DYNC1I1: variants seen among roughly 807,000 people sequenced by gnomAD.
DYNC1I1 encodes the protein cytoplasmic dynein 1 intermediate chain 1.
DYNC1I1 carries 43 observed loss-of-function variants against 86.6 expected under a neutral mutation model. The observed-to-expected ratio is 0.50, with a 90% CI of 0.39 to 0.64. The LOEUF (loss-of-function observed/expected upper bound fraction) is 0.64, where lower values mean the gene tolerates loss of function less well. DYNC1I1 is among the 30% of genes least tolerant of loss of function. The pLI is 0.00. For missense variants in DYNC1I1, 604 were observed against 788.8 expected (o/e 0.77, Z 2.81); for synonymous variants, 262 against 283.7 (o/e 0.92, Z 0.77).
At chr7:95,971,565 T>C (rs1414824411) in intron 6 of DYNC1I1, among the ~76,000 whole-genome samples, 1 of 152,190 alleles carries the variant, frequency 6.6e-6, no homozygotes, top group African/African-American at 2.4e-5. Context: ...AATAATAGTA[T>C]ACTAGTAAGC....
At chr7:95,975,394 C>A (rs147807854) in intron 6 of DYNC1I1, among the ~76,000 whole-genome samples, 3 of 152,128 alleles carry the variant, frequency 2.0e-5, no homozygotes, top group Non-Finnish European at 4.4e-5. Context: ...CTCCTAACTT[C>A]CGGTGGTTTT....
At chr7:95,904,955 G>A (rs548742971) in intron 6 of DYNC1I1, among the ~76,000 whole-genome samples, 33 of 152,262 alleles carry the variant, frequency 2.2e-4, no homozygotes, top group Middle Eastern at 6.8e-3. Context: ...AGTTGCCTAT[G>A]CAAAAAGTCA....
At chr7:95,869,812 C>A (rs1790114250) in intron 5 of DYNC1I1, 71 bp from the exon 6 acceptor site, 2 of 1,438,914 alleles carry the variant, frequency 1.4e-6, no homozygotes, top group Admixed American at 3.6e-5. Context: ...TTAGTGCTTT[C>A]TTTTATTACT....
chr7:95,854,431 A>G (rs939951933), intron 5 of DYNC1I1, among the ~76,000 whole-genome samples: 2 of 152,050 alleles, frequency 1.3e-5, no homozygotes, highest in African/African-American at 2.4e-5. Flanking sequence ...TACTTTTACT[A>G]CACTCTCCTC....
At chr7:95,805,241 C>T (rs1289961554) in intron 2 of DYNC1I1, among the ~76,000 whole-genome samples, 2 of 151,998 alleles carry the variant, frequency 1.3e-5, no homozygotes, top group Admixed American at 6.6e-5. Context: ...TTAGTATATT[C>T]TAACTATAAG....
intron 16 of DYNC1I1, among the ~76,000 whole-genome samples, chr7:96,104,959 G>A (rs760240277): frequency 2.0e-5 from 3 of 151,836 alleles, no homozygotes; most frequent in Non-Finnish European, 4.4e-5. Context: ...GTATATTTGG[G>A]GCAATGCCAT....
In DYNC1I1 at chr7:95,939,890, C is replaced by T. The variant is rs1355078280; in HGVS notation, c.491-37622C>T. Among the ~76,000 whole-genome samples, 4 of 152,130 alleles carry T rather than the reference C, an allele frequency of 2.6e-5. No homozygotes were observed. In the South Asian group the frequency reaches 6.2e-4, roughly 24 times the overall value. ...GTTAGTTGATGGAGTTTCTTCCTAGCCTCGATGGTCTTTACAATTTGGCAT... is the reference window on the plus strand; with the variant it reads ...GTTAGTTGATGGAGTTTCTTCCTAGTCTCGATGGTCTTTACAATTTGGCAT... On this transcript the variant is annotated intron_variant, in intron 6 of 16. Transcript: ENST00000447467.
intron 6 of DYNC1I1, among the ~76,000 whole-genome samples, chr7:95,968,519 T>C (rs1793076336): frequency 6.6e-6 from 1 of 152,216 alleles, no homozygotes; most frequent in African/African-American, 2.4e-5. Flanking sequence ...AATTCTAGTA[T>C]GTGAAGACCT....
intron 6 of DYNC1I1, among the ~76,000 whole-genome samples, chr7:95,951,889 T>C (rs1347356610): frequency 6.6e-6 from 1 of 152,192 alleles, no homozygotes; most frequent in Non-Finnish European, 1.5e-5. Context: ...CTTTTCTGTA[T>C]ATGTTTCTCT....
intron 4 of DYNC1I1, among the ~76,000 whole-genome samples, chr7:95,816,011 T>C (rs1194821647): frequency 5.0e-5 from 5 of 99,556 alleles, no homozygotes; most frequent in South Asian, 3.6e-4. Flanking sequence ...ATCCCTCTTA[T>C]TGATTTTTTT....
At chr7:95,938,096 C>G (rs1167952905) in intron 6 of DYNC1I1, among the ~76,000 whole-genome samples, 1 of 152,102 alleles carries the variant, frequency 6.6e-6, no homozygotes, top group Non-Finnish European at 1.5e-5. Flanking sequence ...TCAATTCCCT[C>G]TTGTTGAGAC....
Position 96,072,687 on chromosome 7 carries a change from T to C in DYNC1I1, c.1510-3370T>C, listed in dbSNP as rs188295621. ...AATGAGTGGTAAAGCACAAGCAAGCTATAACATGTTTGTGGATCCAGAAAT... is the reference window on the plus strand; with the variant it reads ...AATGAGTGGTAAAGCACAAGCAAGCCATAACATGTTTGTGGATCCAGAAAT... On this transcript the variant is annotated intron_variant, in intron 14 of 16. Coordinates refer to ENST00000447467, the MANE Select transcript of DYNC1I1 (RefSeq NM_001135556.2). Among the ~76,000 whole-genome samples the C allele has an allele frequency of 5.3e-5, 8 of 152,312 alleles. No individual in the cohort carries two copies. The East Asian group carries it at 1.5e-3, about 29-fold the overall frequency.
At chr7:96,045,395 T>C (rs1165141016) in intron 14 of DYNC1I1, among the ~76,000 whole-genome samples, 1 of 152,002 alleles carries the variant, frequency 6.6e-6, no homozygotes, top group Non-Finnish European at 1.5e-5. Flanking sequence ...GTTGTGGGCT[T>C]TGGAGTGGGC....
chr7:95,927,618 AGAGT>A (rs1331197857), intron 6 of DYNC1I1, among the ~76,000 whole-genome samples: 1 of 152,086 alleles, frequency 6.6e-6, no homozygotes, highest in Non-Finnish European at 1.5e-5. Flanking sequence ...GATGGGGGAG[AGAGT>A]GAGAGGATGG....
intron 6 of DYNC1I1, among the ~76,000 whole-genome samples, chr7:95,948,035 T>TG (rs1562952961): frequency 6.6e-6 from 1 of 151,588 alleles, no homozygotes; most frequent in African/African-American, 2.4e-5. Flanking sequence ...AGTTCTATTT[T>TG]GTGGTAAACA....
At chr7:96,107,991 G>C (rs1443111700) in intron 16 of DYNC1I1, among the ~76,000 whole-genome samples, 2 of 148,248 alleles carry the variant, frequency 1.3e-5, no homozygotes, top group Non-Finnish European at 3.0e-5. Flanking sequence ...GTGATGAGTT[G>C]CTTCTCTCTT....
At chr7:96,023,445 C>G (rs1384928506) in intron 10 of DYNC1I1, among the ~76,000 whole-genome samples, 2 of 152,116 alleles carry the variant, frequency 1.3e-5, no homozygotes, top group Non-Finnish European at 1.5e-5. Context: ...GGTTGTTCAC[C>G]CTGGGCATCT....
chr7:96,001,682 C>T lies in DYNC1I1; in HGVS notation c.969+5609C>T, dbSNP rs545841579. ...GCAGATGGCCACTGTCTTGTTGTGT[C>T]TTCACATGGTGGATGGAGACAGTGA... On this transcript the variant is annotated intron_variant, in intron 10 of 16. Coordinates refer to ENST00000447467, the MANE Select transcript of DYNC1I1 (RefSeq NM_001135556.2). 6.6e-5 allele frequency among the ~76,000 whole-genome samples: 10 copies of T among 152,268 alleles called. No individual in the cohort carries two copies. The East Asian group carries it at 1.9e-3, about 29-fold the overall frequency.
chr7:96,080,162 T>C (rs1327043271), intron 15 of DYNC1I1, among the ~76,000 whole-genome samples: 1 of 152,174 alleles, frequency 6.6e-6, no homozygotes, highest in African/African-American at 2.4e-5. Flanking sequence ...TGTTAAAGTG[T>C]CTCTTCTCTC....
Sources: allele counts gnomAD v4.1 joint callset (sites outside exome capture counted in the v4.1 genomes callset), GRCh38; gene constraint gnomAD v4.1.1; transcripts MANE v1.5; gene names NCBI Gene and HGNC (gene_info 2026-07-23, HGNC 2026-07-21).